LHPP: variants seen among roughly 807,000 people sequenced by gnomAD.
The protein encoded by LHPP is hLHPP.
In LHPP, 24 loss-of-function variants were observed where a neutral mutation model predicts 30.3. That is an observed-to-expected ratio of 0.79 (90% CI 0.57 to 1.11). The LOEUF (loss-of-function observed/expected upper bound fraction) is 1.11. Among genes scored for constraint, LHPP ranks in the 50% most tolerant of loss-of-function variants. The pLI, the probability that LHPP is intolerant of heterozygous loss-of-function variation, is 0.00. For synonymous variants in LHPP, 150 were observed against 157.1 expected (o/e 0.95, Z 0.34); for missense variants, 356 against 367.2 (o/e 0.97, Z 0.25).
chr10:124,494,228 G>A (rs942263356), intron 3 of LHPP, among the ~76,000 whole-genome samples: 9 of 152,108 alleles, frequency 5.9e-5, no homozygotes, highest in Non-Finnish European at 1.2e-4. Flanking sequence ...AGGAAGTGGC[G>A]CCGCGTGGGT....
At chr10:124,547,207 G>A (rs1205522198) in intron 6 of LHPP, among the ~76,000 whole-genome samples, 4 of 152,144 alleles carry the variant, frequency 2.6e-5, no homozygotes, top group African/African-American at 2.4e-5. Flanking sequence ...CTGTCGTGGC[G>A]GCACACCTGT....
chr10:124,476,877 G>A (rs1246793938), intron 1 of LHPP, among the ~76,000 whole-genome samples: 2 of 152,144 alleles, frequency 1.3e-5, no homozygotes, highest in Non-Finnish European at 1.5e-5. Flanking sequence ...CTGAAAATTA[G>A]ACAGTGGCTA....
chr10:124,499,555 C>G (rs1953841331), intron 5 of LHPP, among the ~76,000 whole-genome samples: 1 of 151,900 alleles, frequency 6.6e-6, no homozygotes, highest in East Asian at 1.9e-4. Flanking sequence ...ACTTGGGAAG[C>G]TGAGGGATGA....
chr10:124,612,300 A>G (rs1190239905), intron 6 of LHPP, among the ~76,000 whole-genome samples: 1 of 152,160 alleles, frequency 6.6e-6, no homozygotes, highest in African/African-American at 2.4e-5. Context: ...CAGCTACTCA[A>G]GAGCCGAGGC....
At chr10:124,586,769 C>T (rs551482630) in intron 6 of LHPP, among the ~76,000 whole-genome samples, 88 of 140,432 alleles carry the variant, frequency 6.3e-4, no homozygotes, top group African/African-American at 2.1e-3. Context: ...GTTTTAATTA[C>T]GCAAAAAAAT....
At chr10:124,471,471 ATTATATATATTTATATAT>A (rs1952742839) in intron 1 of LHPP, among the ~76,000 whole-genome samples, 1 of 1,118 alleles carries the variant, frequency 8.9e-4, no homozygotes, top group Non-Finnish European at 0.021. Flanking sequence ...ATATTTATAT[ATTATATATATTTATATAT>A]TTATATATAT....
chr10:124,472,474 C>T (rs1952812129), intron 1 of LHPP, among the ~76,000 whole-genome samples: 1 of 152,116 alleles, frequency 6.6e-6, no homozygotes, highest in African/African-American at 2.4e-5. Flanking sequence ...AATGACTTCG[C>T]TCTGTTTGGT....
intron 6 of LHPP, among the ~76,000 whole-genome samples, chr10:124,528,639 G>A (rs537747230): frequency 3.3e-5 from 5 of 151,994 alleles, no homozygotes; most frequent in Non-Finnish European, 5.9e-5. Context: ...GATTAGAGGC[G>A]TGAGCCACAG....
chr10:124,495,591 G>A (rs1033671133), intron 3 of LHPP, among the ~76,000 whole-genome samples: 10 of 152,266 alleles, frequency 6.6e-5, no homozygotes, highest in East Asian at 1.9e-4. Context: ...CAGGAGTGGC[G>A]GAGCTGGAGG....
chr10:124,542,754 T>G (rs569779858), intron 6 of LHPP, among the ~76,000 whole-genome samples: 73 of 152,272 alleles, frequency 4.8e-4, no homozygotes, highest in African/African-American at 1.7e-3. Context: ...CCCTGCTGCC[T>G]CTTCTTGATC....
At chr10:124,522,674 G>A (rs939923258) in intron 6 of LHPP, among the ~76,000 whole-genome samples, 7 of 151,764 alleles carry the variant, frequency 4.6e-5, no homozygotes, top group African/African-American at 1.7e-4. Context: ...TCACTCCAGG[G>A]CTCCATGTTT....
At chr10:124,465,396 T>G (rs1029579951) in intron 1 of LHPP, among the ~76,000 whole-genome samples, 44 of 152,160 alleles carry the variant, frequency 2.9e-4, no homozygotes, top group African/African-American at 9.9e-4. Flanking sequence ...GTGGTCTGAT[T>G]TATATGTTTT....
At chr10:124,485,532 T>G (rs746381244) in intron 2 of LHPP, among the ~76,000 whole-genome samples, 45 of 152,186 alleles carry the variant, frequency 3.0e-4, no homozygotes, top group Non-Finnish European at 5.0e-4. Flanking sequence ...TGGTGGATTT[T>G]CTGTCTAACA....
intron 5 of LHPP, among the ~76,000 whole-genome samples, chr10:124,508,260 C>T (rs138534984): frequency 7.8e-4 from 119 of 152,248 alleles, no homozygotes; most frequent in African/African-American, 2.5e-3. Context: ...ACCTCCCAGC[C>T]GTGGGCATTT....
intron 6 of LHPP, among the ~76,000 whole-genome samples, chr10:124,587,125 G>A (rs1398340105): frequency 6.7e-6 from 1 of 150,142 alleles, no homozygotes; most frequent in Non-Finnish European, 1.5e-5. Flanking sequence ...TCCGTCTCCC[G>A]GGTTCCAGCG....
chr10:124,585,422 C>G lies in LHPP; in HGVS notation c.717-27842C>G, dbSNP rs1948791767. 2.6e-5 allele frequency among the ~76,000 whole-genome samples: 4 copies of G among 151,898 alleles called. No individual in the cohort carries two copies. In the South Asian group the frequency reaches 8.3e-4, roughly 32 times the overall value. ...CTGAGTTCAGGAGTTTGAGACCAGC[C>G]TGGGCAACACAGTGAAACCCCGACT... is the stretch of plus-strand genomic sequence containing the variant. On this transcript the variant is annotated intron_variant, in intron 6 of 6. Coordinates refer to ENST00000368842, the MANE Select transcript of LHPP (RefSeq NM_022126.4).
chr10:124,493,335 G>C (rs1408733948), intron 3 of LHPP, among the ~76,000 whole-genome samples: 1 of 152,288 alleles, frequency 6.6e-6, no homozygotes, highest in East Asian at 1.9e-4. Context: ...CCATCACCAT[G>C]CCGTCCTCGG....
rs1948901545 is a variant in LHPP, at chr10:124,593,124, C to T, written c.717-20140C>T. ...CGCTCTGGGTCCCTGTGCTATGCCT[C>T]AGTCTCCCCATCTGTGTGGAGGAAC... On this transcript the variant is annotated intron_variant, in intron 6 of 6. Coordinates refer to ENST00000368842, the MANE Select transcript of LHPP (RefSeq NM_022126.4). This position sits in a 1 kb window ranked among gnomAD's most constrained non-coding sequence, Gnocchi z 4.9. Among the ~76,000 whole-genome samples the T allele has an allele frequency of 6.6e-6, 1 of 152,222 alleles. No homozygotes were observed. The highest frequency in any genetic ancestry group is 1.5e-5 in the Non-Finnish European group (1 of 68,026).
At chr10:124,495,596 T>C (rs1401132949) in intron 3 of LHPP, among the ~76,000 whole-genome samples, 1 of 152,150 alleles carries the variant, frequency 6.6e-6, no homozygotes, top group East Asian at 1.9e-4. Flanking sequence ...GTGGCGGAGC[T>C]GGAGGAAGGG....
Sources: allele counts gnomAD v4.1 joint callset (sites outside exome capture counted in the v4.1 genomes callset), GRCh38; gene constraint gnomAD v4.1.1; non-coding constraint Gnocchi (gnomAD v3.1); transcripts MANE v1.5; gene names NCBI Gene and HGNC (gene_info 2026-07-23, HGNC 2026-07-21).